Variants in EPHB1 observed in about 807,000 individuals in gnomAD.
The protein encoded by EPHB1 is ephrin type-B receptor 1.
In EPHB1, 30 loss-of-function variants were observed where a neutral mutation model predicts 94.4. The observed-to-expected ratio is 0.32, with a 90% CI of 0.24 to 0.43. The LOEUF is 0.43. Ranked by LOEUF, EPHB1 falls within the 20% of genes least tolerant of loss-of-function variation. The pLI is 1.00. For synonymous variants in EPHB1, 522 were observed against 489.1 expected, an observed-to-expected ratio of 1.07 and a Z score of -0.89; for missense variants, 1,055 against 1,308.3, an observed-to-expected ratio of 0.81 and a Z score of 2.99.
At chr3:135,147,498 G>A (rs779057230) in intron 5 of EPHB1, among the ~76,000 whole-genome samples, 66 of 152,150 alleles carry the variant, frequency 4.3e-4, no homozygotes, top group Non-Finnish European at 7.5e-4. Flanking sequence ...CCCAGACAAA[G>A]CAATGCCCTA....
intron 3 of EPHB1, among the ~76,000 whole-genome samples, chr3:134,998,275 C>T (rs1034912370): frequency 2.6e-5 from 4 of 152,190 alleles, no homozygotes; most frequent in Non-Finnish European, 5.9e-5. Flanking sequence ...GAAGGCATTG[C>T]ACCATTTCTA....
At chr3:135,192,191 T>G (rs1474586840) in intron 10 of EPHB1, among the ~76,000 whole-genome samples, 1 of 141,280 alleles carries the variant, frequency 7.1e-6, no homozygotes, top group Non-Finnish European at 1.5e-5. Flanking sequence ...ATCCCCTGAA[T>G]GTTCTTGCAC....
At chr3:135,225,200 C>T (rs552785981) in intron 12 of EPHB1, among the ~76,000 whole-genome samples, 34 of 152,314 alleles carry the variant, frequency 2.2e-4, no homozygotes, top group Middle Eastern at 3.4e-3. Context: ...TTGCCACAGG[C>T]AGTAAAATAC....
At chr3:134,846,949 T>C (rs1203021910) in intron 1 of EPHB1, among the ~76,000 whole-genome samples, 1 of 152,206 alleles carries the variant, frequency 6.6e-6, no homozygotes, top group South Asian at 2.1e-4. Flanking sequence ...GCAGACAGAA[T>C]GATTTCATTT....
Position 135,192,720 on chromosome 3 carries a change from A to G in EPHB1, c.2027A>G (p.Asp676Gly), listed in dbSNP as rs761311928. The G allele has an allele frequency of 1.9e-6, 3 of 1,614,032 alleles. No individual in the cohort carries two copies. The highest frequency in any genetic ancestry group is 1.1e-5 in the South Asian group (1 of 91,080). Reference protein sequence around the residue: ...LSEASIMGQFDHPNIIRLEGV... With the variant: ...LSEASIMGQFGHPNIIRLEGV... ...GAGGCGAGCATCATGGGCCAGTTCG[A>G]CCATCCTAACATCATTCGCCTGGAG... The change falls in exon 11 of 16, where the codon GAC (aspartate) becomes GGC (glycine). Residue 676 changes from aspartate to glycine, a missense_variant. Physicochemically the swap from Asp to Gly is moderately conservative, Grantham distance 94. Transcript: ENST00000398015.
At chr3:135,066,022 G>A (rs1046128326) in intron 3 of EPHB1, among the ~76,000 whole-genome samples, 2 of 152,204 alleles carry the variant, frequency 1.3e-5, no homozygotes, top group African/African-American at 2.4e-5. Context: ...GCTAAAGATA[G>A]GGTCCCAGTC....
In EPHB1 at chr3:134,931,496, A is replaced by G. The variant is rs559963909; in HGVS notation, c.123+5616A>G. ...CATCTACCTGAGTTCTTACTTTCAA[A>G]AAAGTGCTGCGAGGGCTTCCAGTCT... On this transcript the variant is annotated intron_variant, in intron 2 of 15. Coordinates refer to ENST00000398015, the MANE Select transcript of EPHB1 (RefSeq NM_004441.5). Among the ~76,000 whole-genome samples, 51 of 152,316 alleles carry G rather than the reference A, an allele frequency of 3.3e-4. 2 individuals are homozygous for G. The South Asian group carries it at 9.5e-3, about 28-fold the overall frequency.
intron 3 of EPHB1, among the ~76,000 whole-genome samples, chr3:135,048,451 C>T (rs1263710277): frequency 1.3e-5 from 2 of 151,662 alleles, no homozygotes; most frequent in Admixed American, 1.3e-4. Context: ...TGTAATTTTA[C>T]TAGACATGGG....
At chr3:134,838,157 C>A (rs1445767191) in intron 1 of EPHB1, among the ~76,000 whole-genome samples, 1 of 152,176 alleles carries the variant, frequency 6.6e-6, no homozygotes, top group Admixed American at 6.5e-5. Flanking sequence ...AGAAATGTAA[C>A]AAGCCTTCTG....
At chr3:135,159,432 GA>G (rs1460296063) in intron 6 of EPHB1, among the ~76,000 whole-genome samples, 2 of 152,244 alleles carry the variant, frequency 1.3e-5, no homozygotes, top group African/African-American at 2.4e-5. Context: ...GCCAGTGCCT[GA>G]TTTCAGCAGA....
intron 1 of EPHB1, among the ~76,000 whole-genome samples, chr3:134,846,446 G>A (rs985240436): frequency 1.3e-5 from 2 of 152,218 alleles, no homozygotes; most frequent in Non-Finnish European, 2.9e-5. Context: ...TTCCCTCCAC[G>A]CACATCAGCA....
At chr3:134,820,017 T>C (rs2108289512) in intron 1 of EPHB1, among the ~76,000 whole-genome samples, 3 of 152,332 alleles carry the variant, frequency 2.0e-5, no homozygotes, top group Admixed American at 2.0e-4. Context: ...TATCACAGTC[T>C]GGTGAGGCCC....
At position 135,249,393 on chromosome 3, in the gene EPHB1, G is replaced by A. The variant is rs778382972; in HGVS notation, c.2748G>A (p.Val916=). The change falls in exon 15 of 16, where the codon GTG becomes GTA. Residue 916 remains valine (V), a synonymous_variant. Transcript: ENST00000398015. ...CAGACTTCACGGCCTTTACCACCGT[G>A]GATGACTGGCTCAGCGCCATCAAAA... The part of the protein sequence containing the change: ...SIPDFTAFTT[V]DDWLSAIKMV... The A allele has an allele frequency of 8.9e-5, 143 of 1,613,868 alleles. No individual in the cohort carries two copies. Among genetic ancestry groups the A allele is most frequent in the Non-Finnish European group, 1.2e-4 (136 of 1,179,894 alleles).
intron 3 of EPHB1, among the ~76,000 whole-genome samples, chr3:134,981,240 A>G (rs1934389897): frequency 6.6e-6 from 1 of 152,166 alleles, no homozygotes; most frequent in South Asian, 2.1e-4. Context: ...ATCATGATTA[A>G]CTGTACCTGC....
chr3:134,918,915 G>T (rs2038622585), intron 1 of EPHB1, among the ~76,000 whole-genome samples: 1 of 152,192 alleles, frequency 6.6e-6, no homozygotes, highest in Admixed American at 6.5e-5. Context: ...CCTTTCTTTA[G>T]TGTGGCCATA....
At chr3:134,929,645 G>C (rs2038866341) in intron 2 of EPHB1, among the ~76,000 whole-genome samples, 1 of 152,156 alleles carries the variant, frequency 6.6e-6, no homozygotes, top group Non-Finnish European at 1.5e-5. Flanking sequence ...ACCAGCCCAG[G>C]GGCCCCAGAT....
chr3:134,795,836 C>T, intron 1 of EPHB1, 147 bp downstream of exon 1: 1 of 957,188 alleles, frequency 1.0e-6, no homozygotes. Context: ...GCCTCGGCCG[C>T]TGCCGAGCGC....
chr3:135,070,450 G>T (rs937388367), intron 3 of EPHB1, among the ~76,000 whole-genome samples: 1 of 152,162 alleles, frequency 6.6e-6, no homozygotes, highest in Non-Finnish European at 1.5e-5. Context: ...CTAGACTTAC[G>T]CACCAGCATT....
At chr3:135,134,338 T>G (rs965444638) in intron 5 of EPHB1, among the ~76,000 whole-genome samples, 1 of 152,192 alleles carries the variant, frequency 6.6e-6, no homozygotes, top group Non-Finnish European at 1.5e-5. Flanking sequence ...CTCCCCACCC[T>G]CAGACTCATT....
Sources: gnomAD v4.1 joint callset for allele counts (sites outside exome capture counted in the v4.1 genomes callset) on GRCh38, gnomAD v4.1.1 for gene constraint, MANE v1.5 for transcripts, NCBI Gene and HGNC (gene_info 2026-07-23, HGNC 2026-07-21) for gene names.